The following ANO3 variants were observed in gnomAD, a reference collection of about 807,000 sequenced individuals.
ANO3 encodes the protein anoctamin-3.
ANO3 carries 99 observed loss-of-function variants against 144.8 expected under a neutral mutation model. The ratio of observed to expected loss-of-function variants is 0.68; its 90% CI spans 0.58 to 0.81. The LOEUF is 0.81. Ranked by LOEUF, ANO3 falls within the 30% of genes least tolerant of loss-of-function variation. The pLI is 0.00. For synonymous variants in ANO3, 414 were observed against 392.6 expected, an observed-to-expected ratio of 1.05 and a Z score of -0.64; for missense variants, 905 against 1,202.2, an observed-to-expected ratio of 0.75 and a Z score of 3.66.
chr11:26,321,651 G>A (rs1481507454), intron 1 of ANO3, among the ~76,000 whole-genome samples: 1 of 151,958 alleles, frequency 6.6e-6, no homozygotes, highest in African/African-American at 2.4e-5. Flanking sequence ...ATGTGATTCT[G>A]GGATGTAGTC....
intron 4 of ANO3, among the ~76,000 whole-genome samples, chr11:26,470,562 C>T (rs12803551): frequency 0.53 from 80,548 of 151,616 alleles, 22,623 homozygotes; most frequent in East Asian, 0.68. Flanking sequence ...ATTCGTAATG[C>T]CCTCAGACAA....
intron 1 of ANO3, among the ~76,000 whole-genome samples, chr11:26,265,289 T>C (rs964080730): frequency 1.3e-5 from 2 of 152,314 alleles, no homozygotes; most frequent in Middle Eastern, 3.4e-3. Flanking sequence ...GCTGGATATG[T>C]ATCAGACCCA....
At chr11:26,360,493 A>G (rs914633555) in intron 1 of ANO3, among the ~76,000 whole-genome samples, 4 of 152,096 alleles carry the variant, frequency 2.6e-5, no homozygotes, top group Non-Finnish European at 5.9e-5. Flanking sequence ...TATAATTTAT[A>G]TTAGGTAGGG....
chr11:26,604,894 G>A (rs190488200), intron 17 of ANO3, among the ~76,000 whole-genome samples: 76 of 152,160 alleles, frequency 5.0e-4, no homozygotes, highest in African/African-American at 1.7e-3. Context: ...CTTTCTATTC[G>A]AATACCCTTT....
intron 1 of ANO3, among the ~76,000 whole-genome samples, chr11:26,218,382 A>C (rs1852075943): frequency 6.6e-6 from 1 of 151,976 alleles, no homozygotes; most frequent in Non-Finnish European, 1.5e-5. Flanking sequence ...AAATATCTTG[A>C]ATTTTTCTTT....
intron 3 of ANO3, among the ~76,000 whole-genome samples, chr11:26,449,501 ACACACACACACACACACACG>A (rs1858837619): frequency 3.3e-5 from 1 of 29,996 alleles, no homozygotes. Context: ...ACACACACAC[ACACACACACACACACACACG>A]CACGCACATC....
rs577992901 is a variant in ANO3 at position 26,429,742 on chromosome 11, A to G, written c.47-12176A>G. On this transcript the variant is annotated intron_variant, in intron 1 of 26. Coordinates refer to ENST00000256737, the MANE Select transcript of ANO3 (RefSeq NM_031418.4). ...TTCAGGCTAAGATTCATTAAACAAG[A>G]CAAAGAAGCCACCTGATTCTTAAAG... Among the ~76,000 whole-genome samples, 79 of 152,330 alleles carry G rather than the reference A, an allele frequency of 5.2e-4. 2 individuals carry two copies. The South Asian group carries it at 0.015, about 29-fold the overall frequency.
intron 1 of ANO3, among the ~76,000 whole-genome samples, chr11:26,414,615 A>G (rs1857522688): frequency 6.6e-6 from 1 of 151,926 alleles, no homozygotes; most frequent in Non-Finnish European, 1.5e-5. Flanking sequence ...GGGGAGGGAT[A>G]GCATTAGGAC....
rs1438864920 is a variant in ANO3 at position 26,640,933 on chromosome 11, C to G, written c.2142-963C>G. Among the ~76,000 whole-genome samples, 4 of 152,198 alleles carry G rather than the reference C, an allele frequency of 2.6e-5. No homozygotes were observed. The East Asian group carries it at 7.7e-4, about 29-fold the overall frequency. On this transcript the variant is annotated intron_variant, in intron 21 of 26. Transcript: ENST00000256737. ...GCCCCTTTTTCACCTTCATGAGGCTCTGGAGGCAACCTCCACTGCCTGACG... is the reference window on the plus strand; with the variant it reads ...GCCCCTTTTTCACCTTCATGAGGCTGTGGAGGCAACCTCCACTGCCTGACG...
chr11:26,475,074 T>C (rs987597146), intron 4 of ANO3, among the ~76,000 whole-genome samples: 16 of 152,040 alleles, frequency 1.1e-4, no homozygotes, highest in Non-Finnish European at 1.9e-4. Context: ...GAACCTATGA[T>C]TTAAATAAAA....
chr11:26,388,466 A>T (rs1352481731), intron 1 of ANO3, among the ~76,000 whole-genome samples: 1 of 152,174 alleles, frequency 6.6e-6, no homozygotes, highest in Non-Finnish European at 1.5e-5. Context: ...CTTTATTAGA[A>T]ATCTTTTATC....
chr11:26,522,919 A>C (rs1198713995), intron 6 of ANO3, among the ~76,000 whole-genome samples: 2 of 152,196 alleles, frequency 1.3e-5, no homozygotes, highest in African/African-American at 4.8e-5. Context: ...GCGTGTTCTC[A>C]AAATAAACAA....
At chr11:26,432,480 C>T (rs1373009950) in intron 1 of ANO3, among the ~76,000 whole-genome samples, 1 of 152,066 alleles carries the variant, frequency 6.6e-6, no homozygotes, top group African/African-American at 2.4e-5. Context: ...TTTGCCAGTT[C>T]CTATGTACAT....
chr11:26,593,538 C>T (rs976488108), intron 14 of ANO3, among the ~76,000 whole-genome samples: 2 of 152,098 alleles, frequency 1.3e-5, no homozygotes, highest in African/African-American at 2.4e-5. Flanking sequence ...CAAGCATACC[C>T]GGGGCTCTGT....
At chr11:26,321,165 C>T (rs1182480472) in intron 1 of ANO3, among the ~76,000 whole-genome samples, 1 of 151,984 alleles carries the variant, frequency 6.6e-6, no homozygotes, top group Non-Finnish European at 1.5e-5. Flanking sequence ...ACTATTTTGT[C>T]ATCAAGATGC....
chr11:26,244,442 T>C (rs1219303411), intron 1 of ANO3, among the ~76,000 whole-genome samples: 1 of 152,176 alleles, frequency 6.6e-6, no homozygotes, highest in Non-Finnish European at 1.5e-5. Flanking sequence ...TGGATTATTT[T>C]TATACCACTT....
At position 26,663,084 on chromosome 11, in the gene ANO3, A is replaced by G. The variant is rs1853924876; in HGVS notation, c.*2640A>G. The G allele has an allele frequency of 6.6e-6, 1 of 152,368 alleles. No individual in the cohort carries two copies. Among genetic ancestry groups the G allele is most frequent in the African/African-American group, 2.4e-5 (1 of 41,412 alleles). 9.4% of individuals were successfully genotyped at this position (152,368 alleles called of 1,614,324 possible). The stretch of plus-strand genomic sequence containing the variant: ...GAGCTTTCACTGTACAATGTGTGGA[A>G]AATCACCATAGATCATGGCTGAAAT... On this transcript the variant is annotated 3_prime_UTR_variant, in exon 27 of 27. Coordinates refer to ENST00000256737, the MANE Select transcript of ANO3 (RefSeq NM_031418.4).
chr11:26,484,271 A>G (rs1860351977), intron 4 of ANO3, among the ~76,000 whole-genome samples: 1 of 152,176 alleles, frequency 6.6e-6, no homozygotes, highest in South Asian at 2.1e-4. Context: ...AAATTTGCAT[A>G]AGTAAAGAGA....
chr11:26,239,317 A>G lies in ANO3; in HGVS notation c.154+49987A>G, dbSNP rs1219164082. On this transcript the variant is annotated intron_variant, in intron 1 of 27. Coordinates refer to the ANO3 transcript ENST00000672621. ...TTTATGCTAATTAGAGATCTGCTTC[A>G]TCGCATTGGAGAAAGAAGCAGGCCT... Among the ~76,000 whole-genome samples the G allele has an allele frequency of 2.6e-5, 4 of 152,306 alleles. No individual in the cohort carries two copies. In the South Asian group the frequency reaches 6.2e-4, roughly 24 times the overall value.
Sources: allele counts gnomAD v4.1 joint callset (sites outside exome capture counted in the v4.1 genomes callset), GRCh38; gene constraint gnomAD v4.1.1; transcripts MANE v1.5; gene names NCBI Gene and HGNC (gene_info 2026-07-23, HGNC 2026-07-21).